Variants in PDE1A observed in about 807,000 individuals in gnomAD.
PDE1A encodes dual specificity calcium/calmodulin-dependent 3',5'-cyclic nucleotide phosphodiesterase 1A.
Under a neutral mutation model 61.7 loss-of-function variants are expected in PDE1A, and 35 were observed. That is an observed-to-expected ratio of 0.57 (90% confidence interval 0.43 to 0.75). PDE1A has a LOEUF of 0.75. PDE1A is among the 30% of genes least tolerant of loss of function. PDE1A has a pLI of 0.00. For missense variants in PDE1A, 597 were observed against 630.6 expected, an observed-to-expected ratio of 0.95 and a Z score of 0.57; for synonymous variants, 232 against 213.2, an observed-to-expected ratio of 1.09 and a Z score of -0.77.
chr2:182,396,762 G>A (rs1701727312), intron 1 of PDE1A, among the ~76,000 whole-genome samples: 1 of 152,142 alleles, frequency 6.6e-6, no homozygotes, highest in Non-Finnish European at 1.5e-5. Flanking sequence ...GCATAATTAT[G>A]ACCTTATTAT....
chr2:182,184,342 A>T (rs1401800205), intron 13 of PDE1A, among the ~76,000 whole-genome samples: 6 of 152,238 alleles, frequency 3.9e-5, no homozygotes, highest in African/African-American at 1.4e-4. Context: ...GAAAAAGATA[A>T]TACTCAGTAC....
chr2:182,625,144 G>A, the PDE1A span, among the ~76,000 whole-genome samples: 3 of 152,158 alleles, frequency 2.0e-5, no homozygotes, highest in East Asian at 1.9e-4. Flanking sequence ...GCAAGAAGGT[G>A]GCTGTGTGCA....
intron 10 of PDE1A, among the ~76,000 whole-genome samples, chr2:182,196,746 T>A (rs934534005): frequency 1.3e-5 from 2 of 151,060 alleles, no homozygotes; most frequent in Non-Finnish European, 3.0e-5. Flanking sequence ...GTCATTTGTA[T>A]CATTAGTCTA....
intron 2 of PDE1A, among the ~76,000 whole-genome samples, chr2:182,255,632 A>G (rs540277987): frequency 3.3e-5 from 5 of 150,570 alleles, no homozygotes; most frequent in African/African-American, 1.2e-4. Flanking sequence ...AAGTTCATCT[A>G]CACTTTTTCT....
the PDE1A span, among the ~76,000 whole-genome samples, chr2:182,649,889 T>G: frequency 2.0e-5 from 3 of 152,142 alleles, no homozygotes; most frequent in African/African-American, 4.8e-5. Flanking sequence ...ATTACAGGTG[T>G]GAGCCACTGT....
chr2:182,201,761 C>T (rs147171082), exon 9 of PDE1A: 25 of 1,609,392 alleles, frequency 1.6e-5, no homozygotes, highest in African/African-American at 1.5e-4. Flanking sequence ...GTAGATAAAA[C>T]CATTTCAATC....
chr2:182,483,617 C>A (rs1039902885), intron 2 of PDE1A, among the ~76,000 whole-genome samples: 3 of 151,806 alleles, frequency 2.0e-5, no homozygotes, highest in African/African-American at 7.2e-5. Flanking sequence ...AAACACAACT[C>A]ATCAATGTAT....
chr2:182,621,128 C>T, the PDE1A span, among the ~76,000 whole-genome samples: 1 of 152,140 alleles, frequency 6.6e-6, no homozygotes, highest in Non-Finnish European at 1.5e-5. Context: ...TGACACTCCG[C>T]CACATCCCAA....
the PDE1A span, among the ~76,000 whole-genome samples, chr2:182,607,598 C>G: frequency 1.3e-5 from 2 of 152,176 alleles, no homozygotes; most frequent in Non-Finnish European, 2.9e-5. Context: ...ATTTTCCATC[C>G]ACGTTTGGTT....
At chr2:182,438,208 T>C (rs995750324) in intron 2 of PDE1A, among the ~76,000 whole-genome samples, 19 of 151,906 alleles carry the variant, frequency 1.3e-4, no homozygotes, top group Non-Finnish European at 2.4e-4. Flanking sequence ...TCTCATAATA[T>C]GAGCATTTCA....
intron 2 of PDE1A, 86 bp downstream of exon 2, chr2:182,264,215 C>A (rs2125788167): frequency 1.2e-6 from 1 of 824,588 alleles, no homozygotes; most frequent in Non-Finnish European, 1.9e-6. Flanking sequence ...TGCTAAATTC[C>A]TGTTTGAGAT....
intron 3 of PDE1A, among the ~76,000 whole-genome samples, chr2:182,237,658 G>A (rs1250737218): frequency 6.6e-6 from 1 of 152,166 alleles, no homozygotes; most frequent in African/African-American, 2.4e-5. Flanking sequence ...ACAGGGATAA[G>A]TGCTAGGAGG....
chr2:182,630,651 TCA>T, the PDE1A span, among the ~76,000 whole-genome samples: 2 of 152,216 alleles, frequency 1.3e-5, no homozygotes, highest in Admixed American at 1.3e-4. Context: ...AAAATGAATT[TCA>T]TTTTTATGTA....
chr2:182,403,643 T>C (rs1046014819), intron 1 of PDE1A, among the ~76,000 whole-genome samples: 5 of 147,590 alleles, frequency 3.4e-5, no homozygotes, highest in Non-Finnish European at 7.4e-5. Context: ...CACCATGGAA[T>C]ACTATGCAGC....
intron 7 of PDE1A, among the ~76,000 whole-genome samples, chr2:182,206,678 C>T (rs1184728564): frequency 6.6e-6 from 1 of 152,108 alleles, no homozygotes; most frequent in African/African-American, 2.4e-5. Context: ...TGGTTTGGCT[C>T]TGTGTCCCTA....
intron 1 of PDE1A, among the ~76,000 whole-genome samples, chr2:182,398,703 C>T (rs1701838736): frequency 6.6e-6 from 1 of 152,054 alleles, no homozygotes; most frequent in Admixed American, 6.5e-5. Flanking sequence ...TTTGATTACA[C>T]TTAAAGTGTA....
upstream of PDE1A, among the ~76,000 whole-genome samples, chr2:182,528,042 T>C (rs759599152): frequency 7.2e-5 from 11 of 152,052 alleles, no homozygotes; most frequent in Non-Finnish European, 1.0e-4. Flanking sequence ...ATACAGTAAA[T>C]TGGTACCAGT....
intron 1 of PDE1A, among the ~76,000 whole-genome samples, chr2:182,294,810 C>T (rs957592731): frequency 4.0e-5 from 6 of 151,732 alleles, no homozygotes; most frequent in African/African-American, 1.5e-4. Flanking sequence ...CAGGTAAAGA[C>T]GAAAGGGTGT....
chr2:182,426,549 A>C, intron 1 of PDE1A, 29 bp downstream of exon 1: 2 of 1,474,446 alleles, frequency 1.4e-6, no homozygotes, highest in Non-Finnish European at 1.9e-6. Context: ...TGACAGCCCT[A>C]GAGCCACCTG....
Sources: allele counts gnomAD v4.1 joint callset (sites outside exome capture counted in the v4.1 genomes callset), GRCh38; gene constraint gnomAD v4.1.1; transcripts MANE v1.5; gene names NCBI Gene and HGNC (gene_info 2026-07-23, HGNC 2026-07-21).